The following SLC4A4 variants were observed in gnomAD, a reference collection of about 807,000 sequenced individuals.
SLC4A4 encodes electrogenic sodium bicarbonate cotransporter 1.
In SLC4A4, 27 loss-of-function variants were observed where a neutral mutation model predicts 111.5. The ratio of observed to expected loss-of-function variants is 0.24; its 90% CI spans 0.18 to 0.33. The LOEUF (loss-of-function observed/expected upper bound fraction) is 0.33. Among genes scored for constraint, SLC4A4 ranks in the 10% least tolerant of loss-of-function variants. SLC4A4 has a pLI of 1.00. For synonymous variants in SLC4A4, 443 were observed against 463.4 expected, an observed-to-expected ratio of 0.96 and a Z score of 0.57; for missense variants, 909 against 1,315.5, an observed-to-expected ratio of 0.69 and a Z score of 4.78.
rs1737814784 is a variant in SLC4A4 at position 71,569,976 on chromosome 4, A to G, written c.*2225A>G. 6.6e-6 allele frequency: 1 copy of G among 151,722 alleles called. No individual in the cohort carries two copies. The highest frequency in any genetic ancestry group is 6.6e-5 in the Admixed American group (1 of 15,182). The allele number at this position is 151,722 out of a possible 1,614,324, so 9.4% of individuals were successfully genotyped here. On this transcript the variant is annotated 3_prime_UTR_variant, in exon 26 of 26. Coordinates refer to ENST00000264485, the MANE Select transcript of SLC4A4 (RefSeq NM_001098484.3). ...GCTATCCTTAAAATGATGAGTCTATATTATCTAGCTTTCTATTACCCTAAT... is the reference window on the plus strand; with the variant it reads ...GCTATCCTTAAAATGATGAGTCTATGTTATCTAGCTTTCTATTACCCTAAT...
At chr4:71,337,948 C>G (rs75689766) in intron 3 of SLC4A4, among the ~76,000 whole-genome samples, 8,341 of 151,806 alleles carry the variant, frequency 0.055, 570 homozygotes, top group African/African-American at 0.15. Context: ...TCCTGCCTCA[C>G]CCTCTTGAGT....
chr4:71,218,746 C>T (rs115666133), intron 1 of SLC4A4, among the ~76,000 whole-genome samples: 2,619 of 152,010 alleles, frequency 0.017, 59 homozygotes, highest in African/African-American at 0.054. Flanking sequence ...ATTTCATTGA[C>T]GAGTAGTCAA....
intron 14 of SLC4A4, among the ~76,000 whole-genome samples, chr4:71,484,854 T>C (rs1729226080): frequency 6.6e-6 from 1 of 151,848 alleles, no homozygotes; most frequent in African/African-American, 2.4e-5. Context: ...GTGGTTCTCC[T>C]TGTAGAGATC....
At chr4:71,419,786 G>A (rs4694395) in intron 7 of SLC4A4, among the ~76,000 whole-genome samples, 10 of 152,148 alleles carry the variant, frequency 6.6e-5, no homozygotes, top group East Asian at 3.9e-4. Context: ...CGTCTTCTGC[G>A]TCACTCATGC....
intron 7 of SLC4A4, among the ~76,000 whole-genome samples, chr4:71,422,628 G>A (rs1722657126): frequency 6.6e-6 from 1 of 151,882 alleles, no homozygotes; most frequent in South Asian, 2.1e-4. Flanking sequence ...ACATCAAAAA[G>A]CTTATCCACC....
intron 7 of SLC4A4, among the ~76,000 whole-genome samples, chr4:71,398,927 G>A (rs1302551091): frequency 6.6e-6 from 1 of 152,134 alleles, no homozygotes; most frequent in African/African-American, 2.4e-5. Flanking sequence ...CTCCATATCC[G>A]TGGTTTCATA....
intron 1 of SLC4A4, among the ~76,000 whole-genome samples, chr4:71,091,551 C>T (rs760635107): frequency 1.2e-4 from 19 of 152,200 alleles, no homozygotes; most frequent in Non-Finnish European, 2.4e-4. Flanking sequence ...CTGCACCCGG[C>T]CTGGCCAGGA....
In SLC4A4 at chr4:71,567,829, T is replaced by C; in HGVS notation, c.*78T>C. 1 of 1,551,356 alleles carries C rather than the reference T, an allele frequency of 6.4e-7. No individual in the cohort carries two copies. The highest frequency in any genetic ancestry group is 8.7e-7 in the Non-Finnish European group (1 of 1,145,912). On this transcript the variant is annotated 3_prime_UTR_variant, in exon 26 of 26. Transcript: ENST00000264485. The stretch of plus-strand genomic sequence containing the variant: ...GTAAAAGTTGTGCCTCAAATTAGAA[T>C]AGAACTTGAACCTGAAGACAATGAT...
chr4:71,200,019 A>G (rs1162116346), intron 1 of SLC4A4, among the ~76,000 whole-genome samples: 1 of 152,172 alleles, frequency 6.6e-6, no homozygotes, highest in Non-Finnish European at 1.5e-5. Flanking sequence ...CCAGGCTGCT[A>G]CTTGAGTTGA....
At chr4:71,320,507 T>A (rs531909947) in intron 3 of SLC4A4, among the ~76,000 whole-genome samples, 3 of 152,042 alleles carry the variant, frequency 2.0e-5, no homozygotes, top group Non-Finnish European at 2.9e-5. Flanking sequence ...CACCCCACTT[T>A]GCTGAAGATT....
chr4:71,070,214 G>A (rs546480191), intron 1 of SLC4A4, among the ~76,000 whole-genome samples: 1 of 152,322 alleles, frequency 6.6e-6, no homozygotes, highest in East Asian at 1.9e-4. Flanking sequence ...AGTCAGTATA[G>A]GTTAGGTGAT....
intron 2 of SLC4A4, among the ~76,000 whole-genome samples, chr4:71,169,577 G>C (rs1744881702): frequency 6.6e-6 from 1 of 152,016 alleles, no homozygotes; most frequent in African/African-American, 2.4e-5. Context: ...AGAGTTGTTT[G>C]AGCTCCTTAT....
chr4:71,106,785 A>C (rs1460737311), intron 2 of SLC4A4, among the ~76,000 whole-genome samples: 3 of 84,290 alleles, frequency 3.6e-5, no homozygotes, highest in South Asian at 5.1e-4. Flanking sequence ...GGGTGGGGGG[A>C]GGGGGGAGGG....
At chr4:71,462,590 G>A (rs1200988445) in intron 12 of SLC4A4, among the ~76,000 whole-genome samples, 1 of 151,894 alleles carries the variant, frequency 6.6e-6, no homozygotes, top group African/African-American at 2.4e-5. Flanking sequence ...TGTGTTTTTA[G>A]TAGAGACAGA....
chr4:71,139,388 A>G (rs1743940255), intron 2 of SLC4A4, among the ~76,000 whole-genome samples: 1 of 151,970 alleles, frequency 6.6e-6, no homozygotes, highest in Non-Finnish European at 1.5e-5. Context: ...GCCTTGCCCC[A>G]CTTCTGGAGA....
chr4:71,202,098 A>G (rs1183295869), intron 1 of SLC4A4, among the ~76,000 whole-genome samples: 1 of 152,220 alleles, frequency 6.6e-6, no homozygotes, highest in African/African-American at 2.4e-5. Flanking sequence ...CTATCCCATC[A>G]CTGTAGGCCT....
intron 18 of SLC4A4, among the ~76,000 whole-genome samples, chr4:71,544,180 G>A (rs1285182477): frequency 1.3e-5 from 2 of 151,980 alleles, no homozygotes; most frequent in East Asian, 1.9e-4. Context: ...ACATAAAGGA[G>A]GAGAACTAAC....
rs147214285 is a variant in SLC4A4, at chr4:71,106,365, C to A, written c.-2+13573C>A. Among the ~76,000 whole-genome samples the A allele has an allele frequency of 8.6e-3, 1,297 of 150,356 alleles. 15 individuals are homozygous for A. Among genetic ancestry groups the A allele is most frequent in the East Asian group, 0.033 (166 of 4,976 alleles). ...TCAACCGTTGTGGAAGTCAGTGTGGCGACTCCTCAGGGATCTAGAACTAGA... is the reference window on the plus strand; with the variant it reads ...TCAACCGTTGTGGAAGTCAGTGTGGAGACTCCTCAGGGATCTAGAACTAGA... On this transcript the variant is annotated intron_variant, in intron 2 of 26. Transcript: ENST00000649996.
intron 1 of SLC4A4, among the ~76,000 whole-genome samples, chr4:71,085,177 G>T (rs1205335261): frequency 6.6e-6 from 1 of 152,196 alleles, no homozygotes; most frequent in Non-Finnish European, 1.5e-5. Context: ...ATTTTTTCAT[G>T]TGTCTTTTGG....
Sources: gnomAD v4.1 joint callset for allele counts (sites outside exome capture counted in the v4.1 genomes callset) on GRCh38, gnomAD v4.1.1 for gene constraint, MANE v1.5 for transcripts, NCBI Gene and HGNC (gene_info 2026-07-23, HGNC 2026-07-21) for gene names.